The following AKAP6 variants were observed in gnomAD, a reference collection of about 807,000 sequenced individuals.
AKAP6 encodes A-kinase anchor protein 6.
In AKAP6, 58 loss-of-function variants were observed where a neutral mutation model predicts 188.5. That is an observed-to-expected ratio of 0.31 (90% CI 0.25 to 0.38). AKAP6 has a LOEUF of 0.38. Among genes scored for constraint, AKAP6 ranks in the 10% least tolerant of loss-of-function variants. The pLI is 1.00. For missense variants in AKAP6, 2,710 were observed against 2,740.0 expected (o/e 0.99, Z 0.24); for synonymous variants, 989 against 998.6 (o/e 0.99, Z 0.18).
intron 12 of AKAP6, among the ~76,000 whole-genome samples, chr14:32,796,406 C>A (rs569006901): frequency 2.4e-4 from 36 of 152,232 alleles, no homozygotes; most frequent in Admixed American, 1.0e-3. Context: ...ACTAAAACAG[C>A]ATGCATGGTA....
intron 4 of AKAP6, among the ~76,000 whole-genome samples, chr14:32,552,543 C>A (rs1036444764): frequency 6.6e-6 from 1 of 152,004 alleles, no homozygotes; most frequent in African/African-American, 2.4e-5. Flanking sequence ...GGGGAAAAAA[C>A]CCAACAACCT....
At position 32,824,403 on chromosome 14, in the gene AKAP6, A is replaced by G. The variant is rs376555105; in HGVS notation, c.6590A>G (p.Glu2197Gly). Residue 2197 changes from glutamate (E) to glycine (G), a missense_variant, in exon 13 of 14, where the codon GAG (glutamate) becomes GGG (glycine). Around this residue, in one of 2 missense-constraint regions of AKAP6, gnomAD observed 2,473 missense variants for 2,426.1 expected, o/e 1.02. Coordinates refer to ENST00000280979, the MANE Select transcript of AKAP6 (RefSeq NM_004274.5). ...CTACAAGCAACAGCATGTTCTTCTGAGTTCAGTGATAGTTCTCTTTCAGCT... is the reference window on the plus strand; with the variant it reads ...CTACAAGCAACAGCATGTTCTTCTGGGTTCAGTGATAGTTCTCTTTCAGCT... ...MPLQATACSS[E>G]FSDSSLSADD... 2.0e-4 allele frequency: 319 copies of G among 1,613,812 alleles called. No homozygotes were observed. Among genetic ancestry groups the G allele is most frequent in the Non-Finnish European group, 2.6e-4 (304 of 1,179,970 alleles).
At chr14:32,571,248 G>T (rs747388114) in intron 4 of AKAP6, among the ~76,000 whole-genome samples, 2 of 151,864 alleles carry the variant, frequency 1.3e-5, no homozygotes, top group Non-Finnish European at 2.9e-5. Context: ...AATAGGCCAG[G>T]TGCAGTGGCT....
intron 2 of AKAP6, among the ~76,000 whole-genome samples, chr14:32,456,694 T>C (rs536776005): frequency 1.3e-4 from 20 of 152,322 alleles, no homozygotes; most frequent in Non-Finnish European, 2.6e-4. Flanking sequence ...ATCATGTATC[T>C]GTGGTTGGCA....
At chr14:32,638,857 ATATAAC>A (rs1202953242) in intron 7 of AKAP6, among the ~76,000 whole-genome samples, 3 of 151,992 alleles carry the variant, frequency 2.0e-5, no homozygotes, top group Non-Finnish European at 4.4e-5. Flanking sequence ...ATACAACATA[ATATAAC>A]TATAATGCCA....
At chr14:32,775,015 G>C (rs1018831853) in intron 12 of AKAP6, among the ~76,000 whole-genome samples, 1 of 152,164 alleles carries the variant, frequency 6.6e-6, no homozygotes, top group African/African-American at 2.4e-5. Context: ...ATTGAGTCTA[G>C]GGGGTGATTT....
intron 2 of AKAP6, among the ~76,000 whole-genome samples, chr14:32,460,275 GA>G (rs1258701860): frequency 6.6e-6 from 1 of 152,218 alleles, no homozygotes; most frequent in Non-Finnish European, 1.5e-5. Flanking sequence ...GGGAGACAGA[GA>G]GAGAGGAAAG....
chr14:32,744,276 C>T (rs2031797446), intron 11 of AKAP6, among the ~76,000 whole-genome samples: 2 of 150,920 alleles, frequency 1.3e-5, no homozygotes, highest in South Asian at 2.1e-4. Flanking sequence ...GTTAAATCTG[C>T]TTGGTGTTAT....
chr14:32,563,764 G>C (rs1884066984), intron 4 of AKAP6, among the ~76,000 whole-genome samples: 1 of 79,198 alleles, frequency 1.3e-5, no homozygotes, highest in African/African-American at 4.8e-5. Context: ...TTGTATTAGA[G>C]ATAATTCTCC....
intron 2 of AKAP6, among the ~76,000 whole-genome samples, chr14:32,521,171 T>C (rs1443460374): frequency 6.6e-6 from 1 of 152,124 alleles, no homozygotes; most frequent in Non-Finnish European, 1.5e-5. Context: ...AAATTAGGTA[T>C]TGATGGGATG....
intron 7 of AKAP6, among the ~76,000 whole-genome samples, chr14:32,637,138 G>A (rs10144339): frequency 0.23 from 35,273 of 152,026 alleles, 4,542 homozygotes; most frequent in African/African-American, 0.31. Context: ...GGTTGTGTTG[G>A]AAGGATTAAA....
intron 2 of AKAP6, among the ~76,000 whole-genome samples, chr14:32,469,454 T>C (rs956951475): frequency 6.6e-6 from 1 of 152,236 alleles, no homozygotes; most frequent in African/African-American, 2.4e-5. Flanking sequence ...TAGAAAACTT[T>C]TGAAAACATG....
At chr14:32,348,115 G>A (rs1368342004) in intron 1 of AKAP6, among the ~76,000 whole-genome samples, 2 of 152,204 alleles carry the variant, frequency 1.3e-5, no homozygotes, top group Admixed American at 1.3e-4. Flanking sequence ...GGAAGACACA[G>A]CTGGGTGGGA....
At chr14:32,736,084 T>C (rs2031408631) in intron 11 of AKAP6, among the ~76,000 whole-genome samples, 1 of 152,166 alleles carries the variant, frequency 6.6e-6, no homozygotes, top group Non-Finnish European at 1.5e-5. Context: ...ACATATACAT[T>C]GTAGAGGGGA....
chr14:32,468,158 A>C (rs889752693), intron 2 of AKAP6, among the ~76,000 whole-genome samples: 4 of 116,880 alleles, frequency 3.4e-5, no homozygotes, highest in African/African-American at 1.6e-4. Context: ...AATCTAGAAA[A>C]ACTTGTGATT....
At chr14:32,676,784 C>A (rs761280893) in intron 7 of AKAP6, among the ~76,000 whole-genome samples, 1 of 152,078 alleles carries the variant, frequency 6.6e-6, no homozygotes, top group Non-Finnish European at 1.5e-5. Flanking sequence ...TTATAAAAAG[C>A]AACAACATAG....
At chr14:32,514,395 A>G (rs991902039) in intron 2 of AKAP6, among the ~76,000 whole-genome samples, 2 of 152,244 alleles carry the variant, frequency 1.3e-5, no homozygotes, top group African/African-American at 4.8e-5. Context: ...GCATAGAAAC[A>G]CATCCTTAGA....
intron 2 of AKAP6, among the ~76,000 whole-genome samples, chr14:32,507,960 A>G (rs1234835269): frequency 6.6e-6 from 1 of 152,192 alleles, no homozygotes; most frequent in Non-Finnish European, 1.5e-5. Context: ...GAAAGGAACA[A>G]GCCATGGCCT....
At chr14:32,404,414 C>T (rs1889205510) in intron 1 of AKAP6, among the ~76,000 whole-genome samples, 1 of 151,740 alleles carries the variant, frequency 6.6e-6, no homozygotes, top group South Asian at 2.1e-4. Flanking sequence ...TCAGATTTTA[C>T]TTTTATGAGT....
Sources: allele counts gnomAD v4.1 joint callset (sites outside exome capture counted in the v4.1 genomes callset), GRCh38; gene constraint gnomAD v4.1.1; regional missense constraint gnomAD v4.1.1; transcripts MANE v1.5; gene names NCBI Gene and HGNC (gene_info 2026-07-23, HGNC 2026-07-21).